SLC9A9: variants seen among roughly 807,000 people sequenced by gnomAD.
SLC9A9 encodes sodium/hydrogen exchanger 9.
SLC9A9 carries 62 observed loss-of-function variants against 77.8 expected under a neutral mutation model. That is an observed-to-expected ratio of 0.80 (90% CI 0.65 to 0.98). SLC9A9 has a LOEUF of 0.98. Among genes scored for constraint, SLC9A9 ranks in the 50% least tolerant of loss-of-function variants. The probability of loss-of-function intolerance (pLI) is 0.00; values close to 1 mark genes in which losing one functional copy is unlikely to be tolerated. For synonymous variants in SLC9A9, 320 were observed against 283.5 expected (o/e 1.13, Z -1.29); for missense variants, 775 against 774.9 (o/e 1.00, Z 0.00).
In SLC9A9 at chr3:143,265,924, T is replaced by C. The variant is rs373638782; in HGVS notation, c.*778A>G. The C allele has an allele frequency of 1.6e-6, 1 of 630,862 alleles. No individual in the cohort carries two copies. The highest frequency in any genetic ancestry group is 2.8e-5 in the East Asian group (1 of 36,302). The allele number at this position is 630,862 out of a possible 1,614,324, so 39.1% of individuals were successfully genotyped here. On this transcript the variant is annotated 3_prime_UTR_variant, in exon 16 of 16. Transcript: ENST00000316549. ...ACCTGCTGCACAGCCAAGAAGTGAC[T>C]CACATGCAGGCAAGGACGGGAAGGC...
intron 13 of SLC9A9, among the ~76,000 whole-genome samples, chr3:143,365,223 T>C (rs914371061): frequency 1.4e-4 from 22 of 152,046 alleles, no homozygotes; most frequent in African/African-American, 5.3e-4. Flanking sequence ...GGAAGCTAAA[T>C]GATGAGAACA....
intron 12 of SLC9A9, among the ~76,000 whole-genome samples, chr3:143,456,333 T>C (rs552655418): frequency 6.6e-6 from 1 of 152,302 alleles, no homozygotes; most frequent in Non-Finnish European, 1.5e-5. Context: ...CATCTATGTG[T>C]ATAAAAAAGA....
At chr3:143,804,604 G>A (rs531101052) in intron 2 of SLC9A9, among the ~76,000 whole-genome samples, 9 of 152,188 alleles carry the variant, frequency 5.9e-5, no homozygotes, top group East Asian at 3.9e-4. Context: ...CTCTACCTAC[G>A]TGTGTCTACC....
intron 7 of SLC9A9, among the ~76,000 whole-genome samples, chr3:143,574,594 C>G (rs1265201733): frequency 6.6e-6 from 1 of 152,044 alleles, no homozygotes; most frequent in Non-Finnish European, 1.5e-5. Context: ...AGCGCTGCTC[C>G]CTCGGGAGTG....
intron 2 of SLC9A9, among the ~76,000 whole-genome samples, chr3:143,809,142 G>A (rs1030388049): frequency 2.0e-5 from 3 of 152,190 alleles, no homozygotes; most frequent in Non-Finnish European, 4.4e-5. Flanking sequence ...GAGGGATGAA[G>A]CAGTGCAGCT....
chr3:143,413,560 A>G (rs889234718), intron 12 of SLC9A9, among the ~76,000 whole-genome samples: 1 of 152,170 alleles, frequency 6.6e-6, no homozygotes, highest in East Asian at 1.9e-4. Context: ...AAGAGGAACC[A>G]CAACTTTAAA....
At chr3:143,543,536 A>T (rs56359833) in intron 9 of SLC9A9, among the ~76,000 whole-genome samples, 51,967 of 151,790 alleles carry the variant, frequency 0.34, 9,002 homozygotes, top group African/African-American at 0.37. Context: ...CAACCCTTAC[A>T]CTTTCCCTCC....
chr3:143,372,591 A>C (rs189752144), intron 13 of SLC9A9, among the ~76,000 whole-genome samples: 1 of 152,302 alleles, frequency 6.6e-6, no homozygotes, highest in East Asian at 1.9e-4. Context: ...CCCCAAAAGC[A>C]AATGCAACTA....
At chr3:143,558,051 G>C (rs36126505) in intron 8 of SLC9A9, among the ~76,000 whole-genome samples, 1 of 152,236 alleles carries the variant, frequency 6.6e-6, no homozygotes, top group African/African-American at 2.4e-5. Context: ...GCCTGGCCCA[G>C]GGCCCCCCTG....
chr3:143,469,769 A>G (rs1419926046), intron 11 of SLC9A9, among the ~76,000 whole-genome samples: 1 of 152,236 alleles, frequency 6.6e-6, no homozygotes, highest in Non-Finnish European at 1.5e-5. Context: ...ATTATAAAAT[A>G]CCTTCAAGGA....
chr3:143,518,524 T>G (rs2036242271), intron 9 of SLC9A9, among the ~76,000 whole-genome samples: 1 of 152,258 alleles, frequency 6.6e-6, no homozygotes, highest in African/African-American at 2.4e-5. Flanking sequence ...ACCGCTGCAG[T>G]AATTACTGTC....
chr3:143,844,707 CTTTCTCTTTCTTTCTTTCTT>C (rs2009784465), intron 1 of SLC9A9, among the ~76,000 whole-genome samples: 2 of 150,526 alleles, frequency 1.3e-5, no homozygotes, highest in Admixed American at 6.6e-5. Flanking sequence ...GTTTAACTTT[CTTTCTCTTTCTTTCTTTCTT>C]TCTTTCTTTC....
intron 12 of SLC9A9, among the ~76,000 whole-genome samples, chr3:143,447,717 A>G (rs535898968): frequency 3.3e-5 from 5 of 152,302 alleles, no homozygotes; most frequent in African/African-American, 1.2e-4. Context: ...GAGAAAAGCA[A>G]ACAGGAGAAT....
chr3:143,742,833 G>A (rs117742489), intron 4 of SLC9A9, among the ~76,000 whole-genome samples: 7 of 152,252 alleles, frequency 4.6e-5, no homozygotes, highest in East Asian at 3.9e-4. Context: ...GGGAGGGTGC[G>A]ATGGGGGGTT....
intron 6 of SLC9A9, among the ~76,000 whole-genome samples, chr3:143,625,704 G>C (rs1203006252): frequency 6.6e-6 from 1 of 152,102 alleles, no homozygotes; most frequent in Non-Finnish European, 1.5e-5. Flanking sequence ...CATAAGCATG[G>C]GCAAAGACTT....
At chr3:143,843,292 C>T (rs1225762697) in intron 1 of SLC9A9, among the ~76,000 whole-genome samples, 1 of 152,050 alleles carries the variant, frequency 6.6e-6, no homozygotes, top group Non-Finnish European at 1.5e-5. Flanking sequence ...CCAATTTAAT[C>T]CTGAGGAACC....
intron 4 of SLC9A9, among the ~76,000 whole-genome samples, chr3:143,699,723 C>T (rs918991690): frequency 6.6e-6 from 1 of 152,082 alleles, no homozygotes; most frequent in Admixed American, 6.6e-5. Flanking sequence ...TCCTCTGGGG[C>T]CCTAAATAAA....
At chr3:143,419,539 C>T (rs751316252) in intron 12 of SLC9A9, among the ~76,000 whole-genome samples, 27 of 152,160 alleles carry the variant, frequency 1.8e-4, no homozygotes, top group Admixed American at 1.3e-3. Context: ...TATCAGTTTA[C>T]GTTTATCTCC....
chr3:143,317,590 A>G (rs2031257698), intron 14 of SLC9A9, among the ~76,000 whole-genome samples: 1 of 152,210 alleles, frequency 6.6e-6, no homozygotes, highest in African/African-American at 2.4e-5. Flanking sequence ...CTCTGGCTAC[A>G]GGGATAAGCA....
Sources: gnomAD v4.1 joint callset for allele counts (sites outside exome capture counted in the v4.1 genomes callset) on GRCh38, gnomAD v4.1.1 for gene constraint, MANE v1.5 for transcripts, NCBI Gene and HGNC (gene_info 2026-07-23, HGNC 2026-07-21) for gene names.